HPN: variants seen among roughly 807,000 people sequenced by gnomAD.
HPN encodes the protein hepsin.
HPN carries 13 observed loss-of-function variants against 55.9 expected under a neutral mutation model. The observed-to-expected ratio is 0.23, with a 90% CI of 0.15 to 0.37. HPN has a LOEUF of 0.37. HPN is among the 10% of genes least tolerant of loss of function. The pLI is 1.00. For missense variants in HPN, 451 were observed against 575.8 expected (o/e 0.78, Z 2.22); for synonymous variants, 225 against 240.3 (o/e 0.94, Z 0.59).
chr19:35,058,647 G>A (rs1414941237), intron 4 of HPN, among the ~76,000 whole-genome samples: 1 of 146,668 alleles, frequency 6.8e-6, no homozygotes, highest in Non-Finnish European at 1.5e-5. Flanking sequence ...ATTATATTAT[G>A]TAATAATAAT....
At position 35,060,695 on chromosome 19, in the gene HPN, T is replaced by C; in HGVS notation, c.689T>C (p.Leu230Pro). 6.2e-7 allele frequency: 1 copy of C among 1,614,214 alleles called. No homozygotes were observed. The highest frequency in any genetic ancestry group is 2.2e-5 in the East Asian group (1 of 44,884). The change falls in exon 9 of 13, where the codon CTG (leucine) becomes CCG (proline). Residue 230 changes from leucine to proline, a missense_variant. Around this residue, in one of 2 missense-constraint regions of HPN, gnomAD observed 378 missense variants for 445.5 expected, o/e 0.85. Coordinates refer to ENST00000672452, the MANE Select transcript of HPN (RefSeq NM_001384133.1). ...GTGGCCCAGGCCTCTCCCCACGGTC[T>C]GCAGCTGGGGGTGCAGGCTGTGGTC... ...GAVAQASPHG[L>P]QLGVQAVVYH... is the part of the protein sequence containing the mutation.
chr19:35,044,072 C>G (rs1336723638), intron 2 of HPN, among the ~76,000 whole-genome samples: 5 of 152,210 alleles, frequency 3.3e-5, no homozygotes, highest in African/African-American at 1.2e-4. Context: ...TTTGGGCCTC[C>G]TTTTCTCATC....
At chr19:35,044,383 G>A (rs901416414) in intron 2 of HPN, among the ~76,000 whole-genome samples, 7 of 152,186 alleles carry the variant, frequency 4.6e-5, no homozygotes, top group African/African-American at 1.7e-4. Flanking sequence ...AGGTGACACA[G>A]CACTGGTGTG....
chr19:35,062,482 T>G (rs565309713), intron 9 of HPN, among the ~76,000 whole-genome samples: 3 of 152,154 alleles, frequency 2.0e-5, no homozygotes, highest in African/African-American at 4.8e-5. Context: ...TTCCCTGGAG[T>G]ATTCCCTTGG....
intron 2 of HPN, among the ~76,000 whole-genome samples, chr19:35,046,198 G>C (rs1406496092): frequency 6.6e-6 from 1 of 152,118 alleles, no homozygotes; most frequent in Non-Finnish European, 1.5e-5. Flanking sequence ...GGCCTCTTTT[G>C]GGGAAGAGAG....
At chr19:35,066,105 T>A in intron 12 of HPN, 73 bp downstream of exon 12, 1 of 1,611,934 alleles carries the variant, frequency 6.2e-7, no homozygotes, top group East Asian at 2.2e-5. Context: ...AGGCAGAGAT[T>A]TGTTTTAGGA....
rs2151765018 is a variant in HPN, at chr19:35,059,820, A to G, written c.290+18A>G. ...TTCCTCAGGTACTGGGGGCCCTCGG[A>G]GGGGTGGGAGCCGGGAGGGGCTGGG... On this transcript the variant is annotated intron_variant, in intron 5 of 12. Coordinates refer to ENST00000672452, the MANE Select transcript of HPN (RefSeq NM_001384133.1). 1 of 1,543,596 alleles carries G rather than the reference A, an allele frequency of 6.5e-7. No homozygotes were observed. Among genetic ancestry groups the G allele is most frequent in the Non-Finnish European group, 8.8e-7 (1 of 1,142,684 alleles).
At chr19:35,045,117 A>G (rs1399152120) in intron 2 of HPN, among the ~76,000 whole-genome samples, 2 of 152,060 alleles carry the variant, frequency 1.3e-5, no homozygotes, top group Non-Finnish European at 2.9e-5. Flanking sequence ...GGTATTTAAA[A>G]GGTATTTAAA....
At chr19:35,041,705 A>ACCC, upstream of HPN, 1 of 182,770 alleles carries the variant, frequency 5.5e-6, no homozygotes, top group Non-Finnish European at 6.4e-6. Context: ...CCCCTCGCCC[A>ACCC]GCCCCCTCCT....
intron 9 of HPN, 79 bp downstream of exon 9, chr19:35,060,896 A>G: frequency 8.1e-7 from 1 of 1,232,592 alleles, no homozygotes; most frequent in Non-Finnish European, 1.1e-6. Flanking sequence ...GCACAAGGCA[A>G]TCAACTTATG....
upstream of HPN, chr19:35,041,670 C>A: frequency 1.7e-6 from 2 of 1,155,302 alleles, no homozygotes; most frequent in Non-Finnish European, 2.2e-6. Flanking sequence ...TCGAATGGTC[C>A]GGCCCCTCCC....
Position 35,066,347 on chromosome 19 carries a change from C to T in HPN, c.*60C>T, listed in dbSNP as rs182946321. ...GAGGTGATCCCGGTGGTGGGATCCACGCTGGGCCTAGGATGGGACGTTTTT... is the reference window on the plus strand; with the variant it reads ...GAGGTGATCCCGGTGGTGGGATCCATGCTGGGCCTAGGATGGGACGTTTTT... On this transcript the variant is annotated 3_prime_UTR_variant, in exon 13 of 13. Transcript: ENST00000672452. 15 of 1,574,544 alleles carry T rather than the reference C, an allele frequency of 9.5e-6. No individual in the cohort carries two copies. Among genetic ancestry groups the T allele is most frequent in the East Asian group, 9.4e-5 (4 of 42,354 alleles).
rs761438886 is a variant in HPN, at chr19:35,049,411, C to T, written c.118+20C>T. The T allele has an allele frequency of 9.3e-6, 15 of 1,609,652 alleles. No individual in the cohort carries two copies. The highest frequency in any genetic ancestry group is 1.3e-5 in the African/African-American group (1 of 74,810). On this transcript the variant is annotated intron_variant, in intron 3 of 12. Transcript: ENST00000672452. ...CCATTGGTGAGAGCGGTTCCTGTGC[C>T]TCTGACCTCCCCTGGCCCCTGCAGC...
intron 4 of HPN, among the ~76,000 whole-genome samples, chr19:35,049,724 G>A (rs754357072): frequency 6.6e-6 from 1 of 152,028 alleles, no homozygotes. Context: ...AGACACCAGT[G>A]TATTACTCAT....
chr19:35,040,878 G>A (rs777037024), upstream of HPN, among the ~76,000 whole-genome samples: 4 of 152,196 alleles, frequency 2.6e-5, no homozygotes, highest in Non-Finnish European at 5.9e-5. Context: ...TGGGCACAGC[G>A]GGCACGTGTG....
chr19:35,046,430 A>G (rs1022924241), intron 2 of HPN, among the ~76,000 whole-genome samples: 2 of 151,940 alleles, frequency 1.3e-5, no homozygotes, highest in Non-Finnish European at 2.9e-5. Flanking sequence ...TTTTTAGTAG[A>G]GGCGGGGTTT....
At chr19:35,041,278 C>A (rs528226567), upstream of HPN, among the ~76,000 whole-genome samples, 19 of 151,734 alleles carry the variant, frequency 1.3e-4, 1 homozygote, top group South Asian at 4.0e-3. Flanking sequence ...GCAGGGCAGG[C>A]GGGAGAGGCT....
intron 2 of HPN, among the ~76,000 whole-genome samples, chr19:35,047,213 C>T (rs2064350708): frequency 6.6e-6 from 1 of 152,252 alleles, no homozygotes; most frequent in African/African-American, 2.4e-5. Flanking sequence ...CAGCTGGCCC[C>T]AGCCTTGGTT....
At chr19:35,047,919 G>A (rs974107333) in intron 2 of HPN, among the ~76,000 whole-genome samples, 1 of 151,000 alleles carries the variant, frequency 6.6e-6, no homozygotes, top group Non-Finnish European at 1.5e-5. Flanking sequence ...GAGCCTGAGC[G>A]CTTGAGACTG....
Sources: allele counts gnomAD v4.1 joint callset (sites outside exome capture counted in the v4.1 genomes callset), GRCh38; gene constraint gnomAD v4.1.1; regional missense constraint gnomAD v4.1.1; transcripts MANE v1.5; gene names NCBI Gene and HGNC (gene_info 2026-07-23, HGNC 2026-07-21).